The following KCNAB1 variants were observed in gnomAD, a reference collection of about 807,000 sequenced individuals.
KCNAB1 encodes the protein potassium voltage-gated channel subfamily A regulatory beta subunit 1.
Under a neutral mutation model 64.6 loss-of-function variants are expected in KCNAB1, and 35 were observed. The observed-to-expected ratio is 0.54, with a 90% confidence interval of 0.41 to 0.72. The LOEUF (loss-of-function observed/expected upper bound fraction) is 0.72, where lower values mean the gene tolerates loss of function less well. Among genes scored for constraint, KCNAB1 ranks in the 30% least tolerant of loss-of-function variants. The pLI is 0.00. For missense variants in KCNAB1, 401 were observed against 512.9 expected (o/e 0.78, Z 2.11); for synonymous variants, 177 against 183.8 (o/e 0.96, Z 0.30).
chr3:156,326,182 C>G (rs930044052), intron 1 of KCNAB1, among the ~76,000 whole-genome samples: 1 of 152,104 alleles, frequency 6.6e-6, no homozygotes, highest in Non-Finnish European at 1.5e-5. Context: ...CGTATTTTTG[C>G]CTTGTTGCAT....
In KCNAB1 at chr3:156,330,845, A is replaced by C. The variant is rs1476739535; in HGVS notation, c.276-90771A>C. ...CCAGGGCACGCTGCATGGCTTCTCA[A>C]AGCTTCCAGGCCTTTCAAGCTTTAT... is the stretch of plus-strand genomic sequence containing the variant. On this transcript the variant is annotated intron_variant, in intron 1 of 13. Coordinates refer to ENST00000490337, the MANE Select transcript of KCNAB1 (RefSeq NM_172160.3). Among the ~76,000 whole-genome samples the C allele has an allele frequency of 2.0e-5, 3 of 152,166 alleles. No homozygotes were observed. In the East Asian group the frequency reaches 5.8e-4, roughly 29 times the overall value.
intron 8 of KCNAB1, among the ~76,000 whole-genome samples, chr3:156,481,895 G>A (rs962005057): frequency 6.6e-6 from 1 of 152,066 alleles, no homozygotes; most frequent in Non-Finnish European, 1.5e-5. Flanking sequence ...TCACAGCTGG[G>A]GCAAACAAAC....
chr3:156,270,967 T>A (rs1157235259), intron 1 of KCNAB1, among the ~76,000 whole-genome samples: 1 of 152,246 alleles, frequency 6.6e-6, no homozygotes, highest in Non-Finnish European at 1.5e-5. Context: ...TATTTTAGGA[T>A]AAAAGTTTTC....
At chr3:156,470,786 A>T (rs920869804) in intron 7 of KCNAB1, among the ~76,000 whole-genome samples, 4 of 152,244 alleles carry the variant, frequency 2.6e-5, no homozygotes, top group African/African-American at 9.6e-5. Context: ...ATGAACTTTA[A>T]AAGAAAAAGA....
At chr3:156,145,177 C>T (rs1304866504) in intron 1 of KCNAB1, among the ~76,000 whole-genome samples, 2 of 152,070 alleles carry the variant, frequency 1.3e-5, no homozygotes, top group African/African-American at 4.8e-5. Flanking sequence ...CATATCACAC[C>T]CTAGTAAGAA....
chr3:156,332,474 A>G (rs1488376934), intron 1 of KCNAB1, among the ~76,000 whole-genome samples: 2 of 152,188 alleles, frequency 1.3e-5, no homozygotes, highest in Admixed American at 1.3e-4. Context: ...GGTCTGTTGT[A>G]GAATAGTGCT....
chr3:156,236,356 G>A (rs141353251), intron 1 of KCNAB1, among the ~76,000 whole-genome samples: 4 of 152,242 alleles, frequency 2.6e-5, no homozygotes, highest in African/African-American at 4.8e-5. Context: ...AAACCTAGTC[G>A]CATCACCTGG....
intron 1 of KCNAB1, among the ~76,000 whole-genome samples, chr3:156,149,288 G>A (rs894529730): frequency 6.6e-6 from 1 of 151,960 alleles, no homozygotes; most frequent in African/African-American, 2.4e-5. Flanking sequence ...TAAAATAAGA[G>A]AAAACAGGAA....
At chr3:156,215,092 CTAAG>C (rs1415626319) in intron 1 of KCNAB1, among the ~76,000 whole-genome samples, 2 of 152,140 alleles carry the variant, frequency 1.3e-5, no homozygotes, top group Non-Finnish European at 2.9e-5. Context: ...TCATGACAGG[CTAAG>C]TAAGTTTTCT....
intron 1 of KCNAB1, among the ~76,000 whole-genome samples, chr3:156,309,301 T>C (rs1398566342): frequency 6.6e-6 from 1 of 152,234 alleles, no homozygotes; most frequent in African/African-American, 2.4e-5. Flanking sequence ...TTGTGTATCA[T>C]GTAGATACAG....
intron 1 of KCNAB1, among the ~76,000 whole-genome samples, chr3:156,250,633 G>A (rs1365632899): frequency 6.6e-6 from 1 of 152,112 alleles, no homozygotes; most frequent in Non-Finnish European, 1.5e-5. Context: ...AGAGTTCCTG[G>A]GAGAGCTGAT....
intron 1 of KCNAB1, among the ~76,000 whole-genome samples, chr3:156,150,090 TC>T (rs1465076389): frequency 6.6e-6 from 1 of 152,208 alleles, no homozygotes; most frequent in Admixed American, 6.5e-5. Context: ...TAGCTGTTTT[TC>T]TCCTTGCATC....
intron 1 of KCNAB1, among the ~76,000 whole-genome samples, chr3:156,380,186 G>A (rs925672305): frequency 3.9e-5 from 6 of 152,112 alleles, no homozygotes; most frequent in African/African-American, 7.2e-5. Flanking sequence ...CTTCTCCAGC[G>A]CCTTCCCCTC....
intron 1 of KCNAB1, among the ~76,000 whole-genome samples, chr3:156,357,352 T>C (rs189882801): frequency 6.6e-6 from 1 of 152,348 alleles, no homozygotes; most frequent in African/African-American, 2.4e-5. Context: ...AAGGAAGTCA[T>C]AATTTTTGAG....
At chr3:156,310,600 G>A (rs192400131) in intron 1 of KCNAB1, among the ~76,000 whole-genome samples, 8 of 152,200 alleles carry the variant, frequency 5.3e-5, no homozygotes, top group East Asian at 3.9e-4. Flanking sequence ...TCAGGAGTTC[G>A]AGACCATCCT....
At chr3:156,338,597 C>A (rs1723893341) in intron 1 of KCNAB1, among the ~76,000 whole-genome samples, 1 of 152,040 alleles carries the variant, frequency 6.6e-6, no homozygotes, top group South Asian at 2.1e-4. Context: ...CAGGCGTGAG[C>A]CACTGCACCT....
intron 7 of KCNAB1, among the ~76,000 whole-genome samples, chr3:156,468,007 A>G (rs1304282253): frequency 6.6e-6 from 1 of 152,034 alleles, no homozygotes; most frequent in Non-Finnish European, 1.5e-5. Context: ...TCTTGGTCAT[A>G]ATACTTTGCA....
intron 1 of KCNAB1, among the ~76,000 whole-genome samples, chr3:156,296,663 T>C (rs816550): frequency 0.59 from 88,932 of 151,630 alleles, 28,864 homozygotes; most frequent in African/African-American, 0.88. Context: ...TTAGTAGAGA[T>C]GGGGTTTCAC....
chr3:156,432,534 T>C (rs1451955169), intron 2 of KCNAB1, among the ~76,000 whole-genome samples: 1 of 152,194 alleles, frequency 6.6e-6, no homozygotes, highest in Non-Finnish European at 1.5e-5. Flanking sequence ...AAAAAGAGGC[T>C]ACCAACACAT....
Sources: gnomAD v4.1 joint callset for allele counts (sites outside exome capture counted in the v4.1 genomes callset) on GRCh38, gnomAD v4.1.1 for gene constraint, MANE v1.5 for transcripts, NCBI Gene and HGNC (gene_info 2026-07-23, HGNC 2026-07-21) for gene names.